VPS50: variants seen among roughly 807,000 people sequenced by gnomAD.
VPS50 encodes VPS50 subunit of EARP/GARPII complex, also known as syndetin.
VPS50 carries 70 observed loss-of-function variants against 139.7 expected under a neutral mutation model. The observed-to-expected ratio is 0.50, with a 90% CI of 0.41 to 0.61. The LOEUF (loss-of-function observed/expected upper bound fraction) is 0.61. Among genes scored for constraint, VPS50 ranks in the 20% least tolerant of loss-of-function variants. The pLI, the probability that VPS50 is intolerant of heterozygous loss-of-function variation, is 0.00. For synonymous variants in VPS50, 365 were observed against 376.7 expected, an observed-to-expected ratio of 0.97 and a Z score of 0.36; for missense variants, 921 against 1,133.7, an observed-to-expected ratio of 0.81 and a Z score of 2.69.
At position 93,341,364 on chromosome 7, in the gene VPS50, A is replaced by G. The variant is rs17147438; in HGVS notation, c.2059-63A>G. On this transcript the variant is annotated intron_variant, in intron 22 of 27. Transcript: ENST00000305866. ...TTTAATTTTAATTCTAATTTTGTCA[A>G]AATCACGTGGTTTATTACTGTTAGA... 736 of 1,139,784 alleles carry G rather than the reference A, an allele frequency of 6.5e-4. 2 individuals are homozygous for G. The African/African-American group carries it at 0.011, about 17-fold the overall frequency. 70.6% of individuals were successfully genotyped at this position (1,139,784 alleles called of 1,614,324 possible).
intron 1 of VPS50, among the ~76,000 whole-genome samples, chr7:93,236,348 G>A (rs902653307): frequency 1.1e-4 from 17 of 152,166 alleles, no homozygotes; most frequent in African/African-American, 3.9e-4. Flanking sequence ...GGGACTGGGT[G>A]TAAACACTCT....
intron 23 of VPS50, among the ~76,000 whole-genome samples, chr7:93,342,061 G>A (rs933762157): frequency 6.6e-6 from 1 of 152,216 alleles, no homozygotes; most frequent in Non-Finnish European, 1.5e-5. Flanking sequence ...TTCCATCTGA[G>A]GTACCGGGTT....
At chr7:93,278,985 G>A (rs375759274) in intron 12 of VPS50, among the ~76,000 whole-genome samples, 2 of 152,062 alleles carry the variant, frequency 1.3e-5, no homozygotes, top group East Asian at 1.9e-4. Flanking sequence ...GCTTTGGTTC[G>A]AATTGGTGAG....
rs754291801 is a variant in VPS50 at position 93,239,876 on chromosome 7, G to A, written c.44G>A (p.Ser15Asn). Residue 15 changes from serine to asparagine, a missense_variant, in exon 2 of 28, where the codon AGC becomes AAC. Ser to Asn is a conservative substitution (Grantham distance 46). Coordinates refer to ENST00000305866, the MANE Select transcript of VPS50 (RefSeq NM_017667.4). ...KSLMTRQGLK[S>N]PQESLSDLGA... is the part of the protein sequence containing the mutation. Reference sequence around the variant, plus strand: ...TATTATTTTTTTAAGGGTCTGAAAAGCCCTCAAGAAAGCCTCAGTGATCTT... The same window carrying A: ...TATTATTTTTTTAAGGGTCTGAAAAACCCTCAAGAAAGCCTCAGTGATCTT... The A allele has an allele frequency of 8.8e-6, 14 of 1,597,882 alleles. No individual in the cohort carries two copies. The Admixed American group carries it at 1.8e-4, about 21-fold the overall frequency.
At chr7:93,270,324 C>T (rs764457986) in intron 9 of VPS50, among the ~76,000 whole-genome samples, 6 of 151,816 alleles carry the variant, frequency 4.0e-5, no homozygotes, top group African/African-American at 4.8e-5. Flanking sequence ...CTAAGGTAAG[C>T]GCTGTTCTGG....
chr7:93,346,668 C>T (rs1474701858), intron 23 of VPS50, among the ~76,000 whole-genome samples: 1 of 151,488 alleles, frequency 6.6e-6, no homozygotes, highest in Admixed American at 6.6e-5. Flanking sequence ...AGAAATAACA[C>T]CACATATCTA....
At chr7:93,322,164 TATTA>T (rs1797632926) in intron 20 of VPS50, among the ~76,000 whole-genome samples, 1 of 152,210 alleles carries the variant, frequency 6.6e-6, no homozygotes, top group African/African-American at 2.4e-5. Context: ...CTTGACCATC[TATTA>T]TTTAAAATCA....
intron 9 of VPS50, among the ~76,000 whole-genome samples, chr7:93,269,582 A>G (rs1795944631): frequency 6.6e-6 from 1 of 152,054 alleles, no homozygotes; most frequent in Non-Finnish European, 1.5e-5. Context: ...CTTGTATTAC[A>G]TTGGTTTTAC....
intron 27 of VPS50, among the ~76,000 whole-genome samples, chr7:93,357,569 T>G (rs1313456741): frequency 6.6e-6 from 1 of 152,188 alleles, no homozygotes; most frequent in Non-Finnish European, 1.5e-5. Context: ...TCTCCTATTT[T>G]GAAATTGTAC....
At chr7:93,273,687 T>C (rs1025192189) in intron 11 of VPS50, among the ~76,000 whole-genome samples, 1 of 152,126 alleles carries the variant, frequency 6.6e-6, no homozygotes, top group African/African-American at 2.4e-5. Flanking sequence ...TGTCTGGATA[T>C]AGGCTTTTAT....
intron 18 of VPS50, among the ~76,000 whole-genome samples, chr7:93,307,560 T>C (rs1797152186): frequency 1.3e-5 from 2 of 151,924 alleles, no homozygotes; most frequent in African/African-American, 4.8e-5. Flanking sequence ...TATGACTGAC[T>C]CCAAAAATAT....
Position 93,296,735 on chromosome 7 carries a change from C to T in VPS50, c.1168-7C>T, listed in dbSNP as rs763286923. On this transcript the variant is annotated splice_region_variant and splice_polypyrimidine_tract_variant and intron_variant, in intron 14 of 27. Coordinates refer to ENST00000305866, the MANE Select transcript of VPS50 (RefSeq NM_017667.4). ...TTTGCTTGATTTTCTTTTTCTTTGCCTTACAGGATGTTCAGCTAAAAGTAA... is the reference window on the plus strand; with the variant it reads ...TTTGCTTGATTTTCTTTTTCTTTGCTTTACAGGATGTTCAGCTAAAAGTAA... 2 of 1,598,742 alleles carry T rather than the reference C, an allele frequency of 1.3e-6. No individual in the cohort carries two copies. The highest frequency in any genetic ancestry group is 1.1e-5 in the South Asian group (1 of 88,814).
intron 12 of VPS50, among the ~76,000 whole-genome samples, chr7:93,281,907 T>C (rs1436598960): frequency 6.6e-6 from 1 of 152,162 alleles, no homozygotes; most frequent in Non-Finnish European, 1.5e-5. Context: ...CTTGCTACAT[T>C]ATAAACAATT....
Position 93,360,589 on chromosome 7 carries a change from C to G in VPS50, c.*2153C>G, listed in dbSNP as rs1222305285. On this transcript the variant is annotated 3_prime_UTR_variant, in exon 28 of 28. Transcript: ENST00000305866. ...TGTAACATTTTATGAAACTAATTTTCAGATAAATACAATTGAAAAGCTGAG... is the reference window on the plus strand; with the variant it reads ...TGTAACATTTTATGAAACTAATTTTGAGATAAATACAATTGAAAAGCTGAG... The G allele has an allele frequency of 6.6e-6, 1 of 151,840 alleles. No individual in the cohort carries two copies. The highest frequency in any genetic ancestry group is 1.9e-4 in the East Asian group (1 of 5,182). 9.4% of individuals were successfully genotyped at this position (151,840 alleles called of 1,614,324 possible).
intron 19 of VPS50, among the ~76,000 whole-genome samples, chr7:93,309,993 T>C (rs911570633): frequency 2.3e-4 from 35 of 152,014 alleles, no homozygotes; most frequent in African/African-American, 8.0e-4. Context: ...GTAGCTATTT[T>C]AATTGAAAAA....
At chr7:93,283,834 C>A (rs530305064) in intron 12 of VPS50, among the ~76,000 whole-genome samples, 52 of 152,096 alleles carry the variant, frequency 3.4e-4, no homozygotes, top group Admixed American at 1.3e-3. Flanking sequence ...AAGCACAGGG[C>A]AGGTGAAAGG....
intron 26 of VPS50, among the ~76,000 whole-genome samples, chr7:93,354,225 G>A (rs1798633517): frequency 6.6e-6 from 1 of 151,834 alleles, no homozygotes; most frequent in African/African-American, 2.4e-5. Context: ...AAAGAGGTTA[G>A]GTAACTTATC....
chr7:93,257,106 G>C (rs1795509957), intron 5 of VPS50, among the ~76,000 whole-genome samples: 3 of 151,884 alleles, frequency 2.0e-5, no homozygotes, highest in Admixed American at 1.3e-4. Flanking sequence ...ATATATTACT[G>C]GTATTTGTTT....
chr7:93,275,967 T>C, intron 11 of VPS50, 198 bp from the exon 12 acceptor site: 2 of 526,816 alleles, frequency 3.8e-6, no homozygotes, highest in Non-Finnish European at 6.7e-6. Context: ...TTTTGAGTGC[T>C]CTGATAATCT....
Sources: gnomAD v4.1 joint callset for allele counts (sites outside exome capture counted in the v4.1 genomes callset) on GRCh38, gnomAD v4.1.1 for gene constraint, MANE v1.5 for transcripts, NCBI Gene and HGNC (gene_info 2026-07-23, HGNC 2026-07-21) for gene names.